XKR4: variants seen among roughly 807,000 people sequenced by gnomAD.
XKR4 encodes XK-related protein 4.
Under a neutral mutation model 53.9 loss-of-function variants are expected in XKR4, and 12 were observed. The ratio of observed to expected loss-of-function variants is 0.22; its 90% confidence interval spans 0.14 to 0.36. The LOEUF is 0.36. Among genes scored for constraint, XKR4 ranks in the 10% least tolerant of loss-of-function variants. The probability of loss-of-function intolerance (pLI) is 1.00; values close to 1 mark genes in which losing one functional copy is unlikely to be tolerated. For missense variants in XKR4, 799 were observed against 859.5 expected (o/e 0.93, Z 0.88); for synonymous variants, 354 against 362.4 (o/e 0.98, Z 0.26).
At chr8:55,402,456 A>C (rs1166408672) in intron 2 of XKR4, among the ~76,000 whole-genome samples, 5 of 152,238 alleles carry the variant, frequency 3.3e-5, no homozygotes, top group African/African-American at 1.2e-4. Flanking sequence ...GGACCAAAAG[A>C]GTAGCCCTGT....
At chr8:55,225,609 T>A (rs1449716947) in intron 1 of XKR4, among the ~76,000 whole-genome samples, 1 of 152,212 alleles carries the variant, frequency 6.6e-6, no homozygotes, top group Non-Finnish European at 1.5e-5. Flanking sequence ...TCTGTTTTCA[T>A]TTTAGTCATA....
intron 1 of XKR4, among the ~76,000 whole-genome samples, chr8:55,354,758 C>G (rs894438681): frequency 6.7e-6 from 1 of 149,454 alleles, no homozygotes; most frequent in Non-Finnish European, 1.5e-5. Context: ...TAAGCAAATA[C>G]CTCTAAATGA....
intron 1 of XKR4, among the ~76,000 whole-genome samples, chr8:55,240,925 T>G (rs1315329383): frequency 6.6e-6 from 1 of 152,140 alleles, no homozygotes; most frequent in African/African-American, 2.4e-5. Flanking sequence ...AAAGGTAAGG[T>G]ATTCTGGAAA....
intron 1 of XKR4, among the ~76,000 whole-genome samples, chr8:55,320,631 T>C (rs1205237017): frequency 6.6e-6 from 1 of 152,202 alleles, no homozygotes; most frequent in Non-Finnish European, 1.5e-5. Flanking sequence ...CTAACATGAT[T>C]TGTGGGGAGC....
intron 1 of XKR4, among the ~76,000 whole-genome samples, chr8:55,217,162 A>T (rs899697380): frequency 4.7e-5 from 7 of 148,994 alleles, no homozygotes; most frequent in Non-Finnish European, 8.9e-5. Context: ...GAATGGCATG[A>T]ACCCGGGAGG....
chr8:55,380,065 A>AT (rs532310902), intron 2 of XKR4, among the ~76,000 whole-genome samples: 19 of 152,224 alleles, frequency 1.2e-4, no homozygotes, highest in Non-Finnish European at 2.4e-4. Context: ...TTCTAACATA[A>AT]TTAAACACAC....
intron 1 of XKR4, among the ~76,000 whole-genome samples, chr8:55,119,272 G>A (rs1397222113): frequency 2.0e-5 from 3 of 152,120 alleles, no homozygotes; most frequent in Non-Finnish European, 4.4e-5. Flanking sequence ...CTCCCATACT[G>A]GGAAGTCCCT....
intron 1 of XKR4, among the ~76,000 whole-genome samples, chr8:55,118,948 CT>C (rs533474481): frequency 1.2e-4 from 18 of 151,750 alleles, no homozygotes; most frequent in Non-Finnish European, 2.7e-4. Context: ...ATCTATAGCA[CT>C]TTTTTTTCAT....
chr8:55,483,807 C>T lies in XKR4; in HGVS notation c.1007-39474C>T, dbSNP rs545836731. Among the ~76,000 whole-genome samples, 4 of 149,646 alleles carry T rather than the reference C, an allele frequency of 2.7e-5. 1 individual carries two copies. In the South Asian group the frequency reaches 8.5e-4, roughly 32 times the overall value. ...AGGGAACAGCAAAATTAATGCAAAA[C>T]AGGAGGGAGGAAAATAATAAAGGTA... On this transcript the variant is annotated intron_variant, in intron 2 of 2. Coordinates refer to ENST00000327381, the MANE Select transcript of XKR4 (RefSeq NM_052898.2).
rs1183242959 is a variant in XKR4 at position 55,534,013 on chromosome 8, G to A, written c.*9786G>A. 1 of 152,080 alleles carries A rather than the reference G, an allele frequency of 6.6e-6. No homozygotes were observed. The highest frequency in any genetic ancestry group is 1.5e-5 in the Non-Finnish European group (1 of 68,024). 9.4% of individuals were successfully genotyped at this position (152,080 alleles called of 1,614,324 possible). The stretch of plus-strand genomic sequence containing the variant: ...CTCAGAGAACGGAGTACTGGGTCGT[G>A]GAGACTTGCTTTAAATGGATTCAAA... On this transcript the variant is annotated 3_prime_UTR_variant, in exon 3 of 3. Transcript: ENST00000327381.
At chr8:55,216,135 A>G (rs973913010) in intron 1 of XKR4, among the ~76,000 whole-genome samples, 26 of 152,264 alleles carry the variant, frequency 1.7e-4, no homozygotes, top group African/African-American at 5.8e-4. Context: ...TACTATATTC[A>G]TGGATAGGAA....
At chr8:55,133,911 T>A (rs1816589826) in intron 1 of XKR4, among the ~76,000 whole-genome samples, 1 of 152,216 alleles carries the variant, frequency 6.6e-6, no homozygotes, top group African/African-American at 2.4e-5. Flanking sequence ...GTTAGAAGCT[T>A]CTCAGCTGTG....
At chr8:55,213,888 C>T (rs1315323687) in intron 1 of XKR4, among the ~76,000 whole-genome samples, 4 of 83,536 alleles carry the variant, frequency 4.8e-5, no homozygotes, top group Non-Finnish European at 6.2e-5. Context: ...TTTTTTGAGA[C>T]GAGTCTCCTG....
intron 2 of XKR4, among the ~76,000 whole-genome samples, chr8:55,414,277 A>G (rs1041821166): frequency 6.6e-6 from 1 of 152,164 alleles, no homozygotes; most frequent in South Asian, 2.1e-4. Flanking sequence ...ATTTATTCAC[A>G]TATTTACTAA....
At chr8:55,234,454 G>A (rs1319398523) in intron 1 of XKR4, among the ~76,000 whole-genome samples, 2 of 152,250 alleles carry the variant, frequency 1.3e-5, no homozygotes, top group African/African-American at 4.8e-5. Flanking sequence ...ATCTTTGGGG[G>A]CCGAGTCTGA....
intron 1 of XKR4, among the ~76,000 whole-genome samples, chr8:55,233,554 C>G (rs1262017900): frequency 6.6e-6 from 1 of 152,262 alleles, no homozygotes; most frequent in Admixed American, 6.5e-5. Context: ...GCCAGGCACA[C>G]AGAGCATGTC....
intron 1 of XKR4, among the ~76,000 whole-genome samples, chr8:55,306,260 C>A (rs1278221963): frequency 2.0e-5 from 3 of 152,168 alleles, no homozygotes; most frequent in African/African-American, 7.2e-5. Context: ...CTTCATTGTA[C>A]TTTGCTATTT....
chr8:55,513,576 C>T (rs960974253), intron 2 of XKR4, among the ~76,000 whole-genome samples: 3 of 152,314 alleles, frequency 2.0e-5, no homozygotes, highest in African/African-American at 4.8e-5. Flanking sequence ...GTGGCATCTG[C>T]GGTCCTTAAC....
intron 2 of XKR4, among the ~76,000 whole-genome samples, chr8:55,449,155 G>GATTTATTTATTTATTTATTTATTT (rs6150588): frequency 6.7e-6 from 1 of 149,974 alleles, no homozygotes; most frequent in Admixed American, 6.6e-5. Flanking sequence ...ATTTATTCTA[G>GATTTATTTATTTATTTATTTATTT]ATTTATTTAT....
Sources: allele counts gnomAD v4.1 joint callset (sites outside exome capture counted in the v4.1 genomes callset), GRCh38; gene constraint gnomAD v4.1.1; transcripts MANE v1.5; gene names NCBI Gene and HGNC (gene_info 2026-07-23, HGNC 2026-07-21).